The following NRG3 variants were observed in gnomAD, a reference collection of about 807,000 sequenced individuals.
The protein encoded by NRG3 is neuregulin 3, also known as pro-neuregulin-3, membrane-bound isoform.
In NRG3, 31 loss-of-function variants were observed where a neutral mutation model predicts 66.9. The ratio of observed to expected loss-of-function variants is 0.46; its 90% CI spans 0.35 to 0.63. The LOEUF is 0.63. Ranked by LOEUF, NRG3 falls within the 20% of genes least tolerant of loss-of-function variation. The pLI, the probability that NRG3 is intolerant of heterozygous loss-of-function variation, is 0.00. For synonymous variants in NRG3, 393 were observed against 359.4 expected (o/e 1.09, Z -1.06); for missense variants, 910 against 878.9 (o/e 1.04, Z -0.45).
At chr10:82,812,206 C>A (rs1218258634) in intron 3 of NRG3, among the ~76,000 whole-genome samples, 3 of 152,174 alleles carry the variant, frequency 2.0e-5, no homozygotes, top group African/African-American at 7.2e-5. Flanking sequence ...CTATTTCTCC[C>A]AGTCTCCTCT....
In NRG3 at chr10:82,630,440, CAGTTCT is replaced by C. The variant is rs574145410; in HGVS notation, c.954-108133_954-108128del. Among the ~76,000 whole-genome samples, 20 of 148,268 alleles carry C rather than the reference CAGTTCT, an allele frequency of 1.3e-4. No homozygotes were observed. The East Asian group carries it at 2.6e-3, about 19-fold the overall frequency. ...AAGGAAAAGTAGAAAGAAGATAAGT[CAGTTCT>C]AGTCCTAGCACCTAAACAGAGCTAC... On this transcript the variant is annotated intron_variant, in intron 2 of 8. Transcript: ENST00000372141.
chr10:81,914,348 A>G (rs1185958760), intron 1 of NRG3, among the ~76,000 whole-genome samples: 3 of 152,148 alleles, frequency 2.0e-5, no homozygotes, highest in Non-Finnish European at 4.4e-5. Context: ...AAATTCCAGT[A>G]GGTCTTTCAA....
At chr10:82,112,364 C>T (rs1256159478) in intron 1 of NRG3, among the ~76,000 whole-genome samples, 2 of 152,090 alleles carry the variant, frequency 1.3e-5, no homozygotes, top group African/African-American at 4.8e-5. Context: ...GAGGTGCATA[C>T]TGTGAAGTTG....
At chr10:82,516,911 C>G (rs1388785791) in intron 2 of NRG3, among the ~76,000 whole-genome samples, 1 of 152,108 alleles carries the variant, frequency 6.6e-6, no homozygotes, top group East Asian at 1.9e-4. Flanking sequence ...ATTACTGAAC[C>G]CAGTTTTATT....
intron 1 of NRG3, among the ~76,000 whole-genome samples, chr10:82,037,991 G>A (rs1204703937): frequency 2.6e-5 from 4 of 151,272 alleles, no homozygotes; most frequent in Non-Finnish European, 5.9e-5. Flanking sequence ...GAGAGAGAGA[G>A]AGCAAAAAAA....
rs576483977 is a variant in NRG3 at position 81,897,269 on chromosome 10, A to G, written c.823+21106A>G. Among the ~76,000 whole-genome samples, 5 of 152,190 alleles carry G rather than the reference A, an allele frequency of 3.3e-5. No individual in the cohort carries two copies. The South Asian group carries it at 1.0e-3, about 32-fold the overall frequency. ...AGGAACTTGGACTTGATTTTGTTGT[A>G]ATGGAAAACCACAGGGACCTAGGTA... is the stretch of plus-strand genomic sequence containing the variant. On this transcript the variant is annotated intron_variant, in intron 1 of 8. Coordinates refer to ENST00000372141, the MANE Select transcript of NRG3 (RefSeq NM_001010848.4).
intron 1 of NRG3, among the ~76,000 whole-genome samples, chr10:82,073,373 C>T (rs2064913551): frequency 6.6e-6 from 1 of 152,172 alleles, no homozygotes; most frequent in Non-Finnish European, 1.5e-5. Flanking sequence ...TCTGTCAGGG[C>T]ATTAATCAGG....
intron 1 of NRG3, among the ~76,000 whole-genome samples, chr10:81,876,848 A>C (rs572160329): frequency 2.6e-5 from 4 of 152,046 alleles, no homozygotes; most frequent in African/African-American, 7.2e-5. Flanking sequence ...AGATTCTGTG[A>C]CCGCCGAGAG....
At chr10:82,043,563 G>C (rs2063136349) in intron 1 of NRG3, among the ~76,000 whole-genome samples, 1 of 151,846 alleles carries the variant, frequency 6.6e-6, no homozygotes, top group South Asian at 2.1e-4. Context: ...ATCAATTTCT[G>C]TTTGGGTAGT....
intron 1 of NRG3, among the ~76,000 whole-genome samples, chr10:82,015,926 T>A (rs1312477423): frequency 1.3e-5 from 2 of 151,370 alleles, no homozygotes; most frequent in South Asian, 2.1e-4. Flanking sequence ...GCCAGGCACA[T>A]GTAAGCAATC....
chr10:82,447,961 G>T (rs1202908024), intron 2 of NRG3, among the ~76,000 whole-genome samples: 1 of 152,102 alleles, frequency 6.6e-6, no homozygotes, highest in African/African-American at 2.4e-5. Context: ...GTTCCGTTAC[G>T]CCTTTTAAAT....
At chr10:82,104,489 A>G (rs966781312) in intron 1 of NRG3, among the ~76,000 whole-genome samples, 2 of 152,210 alleles carry the variant, frequency 1.3e-5, no homozygotes, top group African/African-American at 4.8e-5. Flanking sequence ...TTGTAAAAAA[A>G]TCAAGAACTT....
intron 2 of NRG3, among the ~76,000 whole-genome samples, chr10:82,445,911 A>C (rs1043104308): frequency 1.3e-5 from 2 of 152,208 alleles, no homozygotes; most frequent in Non-Finnish European, 2.9e-5. Context: ...CTACTTTACT[A>C]TCTGGCCTCA....
chr10:81,955,152 G>T (rs1726141191), intron 1 of NRG3, among the ~76,000 whole-genome samples: 1 of 147,230 alleles, frequency 6.8e-6, no homozygotes. Flanking sequence ...ATGTTATATA[G>T]AATATATAAT....
intron 1 of NRG3, among the ~76,000 whole-genome samples, chr10:82,285,936 G>T (rs771578722): frequency 2.6e-5 from 4 of 152,140 alleles, no homozygotes; most frequent in Non-Finnish European, 4.4e-5. Flanking sequence ...AGAATATTAA[G>T]AATATCCTTG....
chr10:82,461,852 C>T (rs889517693), intron 2 of NRG3, among the ~76,000 whole-genome samples: 8 of 152,114 alleles, frequency 5.3e-5, no homozygotes, highest in Admixed American at 3.3e-4. Context: ...CATATTAGGC[C>T]GGGTGCAGTG....
At chr10:82,164,516 A>G (rs979887715) in intron 1 of NRG3, among the ~76,000 whole-genome samples, 9 of 151,954 alleles carry the variant, frequency 5.9e-5, no homozygotes, top group African/African-American at 1.7e-4. Flanking sequence ...CACTCGAACC[A>G]CTGCCCTTTA....
chr10:82,253,015 C>A (rs546946022), intron 1 of NRG3, among the ~76,000 whole-genome samples: 1 of 152,138 alleles, frequency 6.6e-6, no homozygotes, highest in Non-Finnish European at 1.5e-5. Context: ...TCCAACACCC[C>A]GATCTCTCAT....
intron 2 of NRG3, among the ~76,000 whole-genome samples, chr10:82,724,907 G>GT: frequency 6.6e-6 from 1 of 152,260 alleles, no homozygotes; most frequent in East Asian, 1.9e-4. Flanking sequence ...GGTACGTACT[G>GT]TTTTGCTTCA....
Sources: allele counts gnomAD v4.1 joint callset (sites outside exome capture counted in the v4.1 genomes callset), GRCh38; gene constraint gnomAD v4.1.1; transcripts MANE v1.5; gene names NCBI Gene and HGNC (gene_info 2026-07-23, HGNC 2026-07-21).